The following CNR1 variants were observed in gnomAD, a reference collection of about 807,000 sequenced individuals.
CNR1 encodes cannabinoid receptor 1.
In CNR1, 10 loss-of-function variants were observed where a neutral mutation model predicts 23.0. The ratio of observed to expected loss-of-function variants is 0.43; its 90% CI spans 0.27 to 0.74. The LOEUF (loss-of-function observed/expected upper bound fraction) is 0.74, where lower values mean the gene tolerates loss of function less well. Among genes scored for constraint, CNR1 ranks in the 30% least tolerant of loss-of-function variants. CNR1 has a pLI of 0.19. For synonymous variants in CNR1, 271 were observed against 255.2 expected, an observed-to-expected ratio of 1.06 and a Z score of -0.59; for missense variants, 422 against 618.8, an observed-to-expected ratio of 0.68 and a Z score of 3.37.
rs528311365 is a variant in CNR1, at chr6:88,148,071, C to T, written c.-63-2734G>A. On this transcript the variant is annotated intron_variant, in intron 1 of 1. Coordinates refer to ENST00000369501, the MANE Select transcript of CNR1 (RefSeq NM_016083.6). ...ACCTCTCCAATCTTCTTCTTGCCAGCCCTGGCCTTGCCACTTGGGCTACAC... is the reference window on the plus strand; with the variant it reads ...ACCTCTCCAATCTTCTTCTTGCCAGTCCTGGCCTTGCCACTTGGGCTACAC... Among the ~76,000 whole-genome samples the T allele has an allele frequency of 1.3e-4, 20 of 152,326 alleles. No individual in the cohort carries two copies. In the South Asian group the frequency reaches 4.1e-3, roughly 32 times the overall value.
Position 88,144,355 on chromosome 6 carries a change from C to A in CNR1, c.920G>T (p.Arg307Leu). ...ILWKAHSHAV[R>L]MIQRGTQKSI... Reference sequence around the variant, plus strand: ...CTTCTGGGTGCCACGCTGAATCATGCGGACGGCGTGGCTGTGAGCCTTCCA... The same window carrying A: ...CTTCTGGGTGCCACGCTGAATCATGAGGACGGCGTGGCTGTGAGCCTTCCA... The change falls in exon 2 of 2, where the codon CGC (arginine) becomes CTC (leucine). Residue 307 changes from arginine (R) to leucine (L), a missense_variant. By Grantham distance (102) the Arg-to-Leu change is moderately radical (BLOSUM62 -2). Around this residue, in one of 4 missense-constraint regions of CNR1, gnomAD observed 211 missense variants for 357.3 expected, o/e 0.59. Coordinates refer to ENST00000369501, the MANE Select transcript of CNR1 (RefSeq NM_016083.6). This position sits in a 1 kb window ranked among gnomAD's most constrained non-coding sequence, Gnocchi z 7.8. The A allele has an allele frequency of 3.1e-6, 5 of 1,613,688 alleles. No individual in the cohort carries two copies. Among genetic ancestry groups the A allele is most frequent in the Non-Finnish European group, 4.2e-6 (5 of 1,180,000 alleles).
At chr6:88,148,258 T>C (rs1160558485) in intron 1 of CNR1, among the ~76,000 whole-genome samples, 1 of 152,224 alleles carries the variant, frequency 6.6e-6, no homozygotes, top group African/African-American at 2.4e-5. Flanking sequence ...GAACACCCTT[T>C]CTGGGCTCCC....
In CNR1 at chr6:88,145,040, T is replaced by C; in HGVS notation, c.235A>G (p.Thr79Ala). The part of the protein sequence containing the change: ...QLVPADQVNI[T>A]EFYNKSLSSF... ...GAGAGAGACTTGTTGTAAAATTCTG[T>C]AATGTTCACCTGGTCTGCTGGGACT... The change falls in exon 2 of 2, where the codon ACA becomes GCA. Residue 79 changes from threonine to alanine, a missense_variant. Transcript: ENST00000369501. 1 of 1,614,138 alleles carries C rather than the reference T, an allele frequency of 6.2e-7. No homozygotes were observed. Among genetic ancestry groups the C allele is most frequent in the Non-Finnish European group, 8.5e-7 (1 of 1,180,022 alleles).
chr6:88,155,996 T>C (rs2127763466), intron 1 of CNR1, among the ~76,000 whole-genome samples: 1 of 152,238 alleles, frequency 6.6e-6, no homozygotes, highest in Admixed American at 6.5e-5. Flanking sequence ...AAACATCCAT[T>C]CCCTACATGG....
chr6:88,156,924 G>T (rs1398449758), intron 1 of CNR1, among the ~76,000 whole-genome samples: 4 of 152,154 alleles, frequency 2.6e-5, no homozygotes, highest in African/African-American at 9.7e-5. Flanking sequence ...AAATTATATT[G>T]AATCCATCAA....
chr6:88,148,689 G>A (rs958849016), intron 1 of CNR1, among the ~76,000 whole-genome samples: 6 of 152,182 alleles, frequency 3.9e-5, no homozygotes, highest in Non-Finnish European at 5.9e-5. Flanking sequence ...TAATTATCTA[G>A]TCTAAACTCT....
At chr6:88,158,875 T>C (rs78952394) in intron 1 of CNR1, among the ~76,000 whole-genome samples, 22,858 of 152,186 alleles carry the variant, frequency 0.15, 2,132 homozygotes, top group African/African-American at 0.26. Context: ...TATTCCTATT[T>C]GGAATAGAAT....
rs756458850 is a variant in CNR1 at position 88,142,219 on chromosome 6, C to T, written c.*1637G>A. 1.3e-5 allele frequency: 2 copies of T among 152,336 alleles called. No individual in the cohort carries two copies. The highest frequency in any genetic ancestry group is 2.4e-5 in the African/African-American group (1 of 41,434). 9.4% of individuals were successfully genotyped at this position (152,336 alleles called of 1,614,324 possible). Reference sequence around the variant, plus strand: ...AAAGCACAGATACAGCATAGCTAGACGTCAATGCCAAGTGTATCGGTTCTT... The same window carrying T: ...AAAGCACAGATACAGCATAGCTAGATGTCAATGCCAAGTGTATCGGTTCTT... On this transcript the variant is annotated 3_prime_UTR_variant, in exon 2 of 2. Transcript: ENST00000369501.
intron 1 of CNR1, among the ~76,000 whole-genome samples, chr6:88,158,159 T>C (rs920524107): frequency 2.0e-5 from 3 of 152,328 alleles, no homozygotes; most frequent in Non-Finnish European, 2.9e-5. Context: ...GAGGTTTCAG[T>C]AGCAATGCAA....
At chr6:88,146,129 C>G (rs1475905502) in intron 1 of CNR1, among the ~76,000 whole-genome samples, 2 of 151,558 alleles carry the variant, frequency 1.3e-5, no homozygotes, top group Non-Finnish European at 2.9e-5. Context: ...CTTTTTGATA[C>G]AGAGTCTTGC....
chr6:88,165,517 C>A (rs553457562), intron 1 of CNR1, among the ~76,000 whole-genome samples: 2 of 152,192 alleles, frequency 1.3e-5, no homozygotes, highest in African/African-American at 2.4e-5. Flanking sequence ...CCAACTCAAG[C>A]GCCCGTTTTT....
intron 1 of CNR1, among the ~76,000 whole-genome samples, chr6:88,153,488 G>A (rs749184559): frequency 3.9e-5 from 6 of 152,192 alleles, no homozygotes; most frequent in Non-Finnish European, 7.3e-5. Flanking sequence ...AAGAGACAGT[G>A]CCTGGCACAG....
At position 88,140,850 on chromosome 6, in the gene CNR1, C is replaced by T. The variant is rs889989523; in HGVS notation, c.*3006G>A. On this transcript the variant is annotated 3_prime_UTR_variant, in exon 2 of 2. Transcript: ENST00000369501. The stretch of plus-strand genomic sequence containing the variant: ...ATCTCAAGTGTAGGACAGATGTCTA[C>T]AGCATCTCTCAGATTCATATCCTTT... The T allele has an allele frequency of 1.2e-4, 19 of 152,268 alleles. No individual in the cohort carries two copies. The highest frequency in any genetic ancestry group is 3.6e-4 in the African/African-American group (15 of 41,426). The allele number at this position is 152,268 out of a possible 1,614,324, so 9.4% of individuals were successfully genotyped here. A position where few individuals can be genotyped will look rare whatever the true frequency, so the allele number is the denominator to read the frequency against.
rs977271305 is a variant in CNR1, at chr6:88,143,489, C to G, written c.*367G>C. The G allele has an allele frequency of 2.5e-5, 5 of 203,812 alleles. No homozygotes were observed. The highest frequency in any genetic ancestry group is 3.0e-5 in the Non-Finnish European group (3 of 100,186). The allele number at this position is 203,812 out of a possible 1,614,324, so 12.6% of individuals were successfully genotyped here. A position where few individuals can be genotyped will look rare whatever the true frequency, so the allele number is the denominator to read the frequency against. ...AAATGGACATCTCTGATACTACGGA[C>G]AGTTACATTTCACATTATAGTGAAA... On this transcript the variant is annotated 3_prime_UTR_variant, in exon 2 of 2. Coordinates refer to ENST00000369501, the MANE Select transcript of CNR1 (RefSeq NM_016083.6).
At position 88,141,381 on chromosome 6, in the gene CNR1, TTA is replaced by T. The variant is rs1776807070; in HGVS notation, c.*2473_*2474del. The T allele has an allele frequency of 6.5e-6, 1 of 152,750 alleles. No homozygotes were observed. The allele number at this position is 152,750 out of a possible 1,614,324, so 9.5% of individuals were successfully genotyped here. ...GTCAGCCCCATTGTCCCTTAATTTA[TTA>T]TATATGATTTAGATCTTGAAAGCAC... On this transcript the variant is annotated 3_prime_UTR_variant, in exon 2 of 2. Transcript: ENST00000369501.
At chr6:88,145,895 CG>C (rs1292217094) in intron 1 of CNR1, among the ~76,000 whole-genome samples, 4 of 152,074 alleles carry the variant, frequency 2.6e-5, no homozygotes, top group Non-Finnish European at 4.4e-5. Flanking sequence ...TTACTTGTAG[CG>C]GGGGAGGAGG....
At chr6:88,146,440 A>C (rs987440895) in intron 1 of CNR1, among the ~76,000 whole-genome samples, 15 of 152,122 alleles carry the variant, frequency 9.9e-5, no homozygotes, top group African/African-American at 3.4e-4. Flanking sequence ...GATATGGAGG[A>C]GGCCTCCTGA....
chr6:88,149,569 C>T (rs1002660926), intron 1 of CNR1, among the ~76,000 whole-genome samples: 2 of 152,182 alleles, frequency 1.3e-5, no homozygotes, highest in African/African-American at 2.4e-5. Flanking sequence ...CTAACTTTTG[C>T]CTTTCGACTC....
upstream of CNR1, among the ~76,000 whole-genome samples, chr6:88,166,871 C>T (rs1284889128): frequency 6.6e-6 from 1 of 151,978 alleles, no homozygotes; most frequent in East Asian, 1.9e-4. Flanking sequence ...CCTCCCTCCG[C>T]GCAAGGCCGC....
Sources: gnomAD v4.1 joint callset for allele counts (sites outside exome capture counted in the v4.1 genomes callset) on GRCh38, gnomAD v4.1.1 for gene constraint, gnomAD v4.1.1 regional missense constraint, Gnocchi (gnomAD v3.1) non-coding constraint, MANE v1.5 for transcripts, NCBI Gene and HGNC (gene_info 2026-07-23, HGNC 2026-07-21) for gene names.